The following NFKB1 variants were observed in gnomAD, a reference collection of about 807,000 sequenced individuals.
NFKB1 encodes the protein nuclear factor NF-kappa-B p105 subunit.
Under a neutral mutation model 105.1 loss-of-function variants are expected in NFKB1, and 9 were observed. The observed-to-expected ratio is 0.09, with a 90% CI of 0.05 to 0.15. NFKB1 has a LOEUF of 0.15. NFKB1 is among the 10% of genes least tolerant of loss of function. The pLI is 1.00. For missense variants in NFKB1, 830 were observed against 1,203.7 expected, an observed-to-expected ratio of 0.69 and a Z score of 4.59; for synonymous variants, 440 against 442.2, an observed-to-expected ratio of 1.00 and a Z score of 0.06.
At chr4:102,595,521 A>ATCTTCATGACTGC (rs1726536975) in intron 13 of NFKB1, among the ~76,000 whole-genome samples, 1 of 152,242 alleles carries the variant, frequency 6.6e-6, no homozygotes, top group South Asian at 2.1e-4. Flanking sequence ...TTTAACTGTT[A>ATCTTCATGACTGC]TCTTCATGAC....
chr4:102,529,227 G>C (rs185919686), intron 2 of NFKB1, among the ~76,000 whole-genome samples: 3 of 152,214 alleles, frequency 2.0e-5, no homozygotes, highest in Admixed American at 2.0e-4. Flanking sequence ...CTAGATTCCA[G>C]GTATTTTGTG....
chr4:102,598,330 A>G (rs3774964), intron 15 of NFKB1, among the ~76,000 whole-genome samples: 58,774 of 152,064 alleles, frequency 0.39, 11,592 homozygotes, highest in East Asian at 0.48. Flanking sequence ...AAATGATCTC[A>G]AAAGCCTATA....
chr4:102,588,703 C>G, intron 11 of NFKB1, among the ~76,000 whole-genome samples: 1 of 152,080 alleles, frequency 6.6e-6, no homozygotes, highest in South Asian at 2.1e-4. Context: ...TATGTAAAGT[C>G]ATTGATTATT....
chr4:102,502,487 G>T (rs892206507), intron 1 of NFKB1, among the ~76,000 whole-genome samples: 1 of 150,978 alleles, frequency 6.6e-6, no homozygotes, highest in Admixed American at 6.6e-5. Context: ...ATTTGAGAGA[G>T]AAAATAAATT....
intron 20 of NFKB1, 33 bp downstream of exon 20, chr4:102,610,732 C>G: frequency 6.2e-7 from 1 of 1,609,876 alleles, no homozygotes; most frequent in Non-Finnish European, 8.5e-7. Flanking sequence ...GATGGCTGCC[C>G]CTGAGGGAGT....
At chr4:102,592,752 A>G (rs1378251334) in intron 11 of NFKB1, among the ~76,000 whole-genome samples, 4 of 151,714 alleles carry the variant, frequency 2.6e-5, no homozygotes, top group African/African-American at 9.7e-5. Context: ...AAACTTATCT[A>G]CTCCTGTTCT....
intron 5 of NFKB1, among the ~76,000 whole-genome samples, chr4:102,550,076 T>C (rs1722457737): frequency 6.6e-6 from 1 of 152,006 alleles, no homozygotes; most frequent in Admixed American, 6.6e-5. Context: ...CATTCTTCTT[T>C]AAAAAAAATT....
At chr4:102,566,961 A>G in intron 5 of NFKB1, 26 bp from the exon 6 acceptor site, 1 of 1,612,198 alleles carries the variant, frequency 6.2e-7, no homozygotes, top group Non-Finnish European at 8.5e-7. Flanking sequence ...AGATATGCTA[A>G]CTTTTGGAAT....
chr4:102,507,870 G>A (rs1486313664), intron 1 of NFKB1, among the ~76,000 whole-genome samples: 1 of 151,946 alleles, frequency 6.6e-6, no homozygotes, highest in Non-Finnish European at 1.5e-5. Flanking sequence ...TATCCCAGAC[G>A]TCAATTCTAC....
chr4:102,531,513 T>C (rs1183524256), intron 3 of NFKB1, among the ~76,000 whole-genome samples: 1 of 152,214 alleles, frequency 6.6e-6, no homozygotes, highest in African/African-American at 2.4e-5. Context: ...TTTAGTCTTC[T>C]AGATTTTTTG....
chr4:102,503,030 A>C (rs1739190444), intron 1 of NFKB1, among the ~76,000 whole-genome samples: 1 of 152,204 alleles, frequency 6.6e-6, no homozygotes, highest in Non-Finnish European at 1.5e-5. Flanking sequence ...AGGGAAACTT[A>C]AAACTAAAGT....
intron 1 of NFKB1, among the ~76,000 whole-genome samples, chr4:102,515,363 G>C (rs1050741500): frequency 1.3e-5 from 2 of 151,814 alleles, no homozygotes; most frequent in Non-Finnish European, 2.9e-5. Context: ...GCCCGCCTCG[G>C]CCTCCCAAAG....
chr4:102,509,855 C>G (rs1401144520), intron 1 of NFKB1, among the ~76,000 whole-genome samples: 1 of 152,152 alleles, frequency 6.6e-6, no homozygotes, highest in African/African-American at 2.4e-5. Context: ...TGCTTCTAAC[C>G]CATCGTTCAT....
intron 10 of NFKB1, among the ~76,000 whole-genome samples, chr4:102,583,451 C>A (rs112201086): frequency 6.6e-6 from 1 of 152,138 alleles, no homozygotes; most frequent in Non-Finnish European, 1.5e-5. Flanking sequence ...TCTGTTAGAT[C>A]GTTTGCTCTG....
chr4:102,537,939 T>G lies in NFKB1; in HGVS notation c.241T>G (p.Ser81Ala). 6.2e-7 allele frequency: 1 copy of G among 1,607,874 alleles called. No individual in the cohort carries two copies. Among genetic ancestry groups the G allele is most frequent in the Non-Finnish European group, 8.5e-7 (1 of 1,174,590 alleles). The change falls in exon 5 of 24, where the codon TCT (serine) becomes GCT (alanine). Residue 81 changes from serine to alanine, a missense_variant. Ser to Ala is a moderately conservative substitution (Grantham distance 99, BLOSUM62 1). Transcript: ENST00000226574. ...PGASSEKNKKSYPQVKICNYV... is the reference protein window; with the variant it reads ...PGASSEKNKKAYPQVKICNYV... Reference sequence around the variant, plus strand: ...TGCCTCTAGTGAAAAGAACAAGAAGTCTTACCCTCAGGTCAAAGTAAGTTT... The same window carrying G: ...TGCCTCTAGTGAAAAGAACAAGAAGGCTTACCCTCAGGTCAAAGTAAGTTT...
intron 5 of NFKB1, among the ~76,000 whole-genome samples, chr4:102,551,366 G>GCGCGCGCGCGCGCGCGCA (rs1553931271): frequency 2.3e-5 from 1 of 43,284 alleles, no homozygotes; most frequent in Non-Finnish European, 5.3e-5. Flanking sequence ...GTGTGTGTGT[G>GCGCGCGCGCGCGCGCGCA]TGCGCGCGCG....
intron 11 of NFKB1, among the ~76,000 whole-genome samples, chr4:102,592,785 T>C (rs1560702977): frequency 1.3e-5 from 2 of 149,996 alleles, no homozygotes; most frequent in Non-Finnish European, 2.9e-5. Flanking sequence ...GTGTACATCT[T>C]CTTTTTCCTC....
rs1330804966 is a variant in NFKB1, at chr4:102,613,532, T to C, written c.2700T>C (p.Ser900=). ...QAASSPVKTT[S]QAHSLPLSPA... Reference sequence around the variant, plus strand: ...CCTCCAGCCCAGTGAAGACCACCTCTCAGGCCCACTCGCTGCCTCTCTCGC... The same window carrying C: ...CCTCCAGCCCAGTGAAGACCACCTCCCAGGCCCACTCGCTGCCTCTCTCGC... The change falls in exon 23 of 24, where the codon TCT becomes TCC. Residue 900 remains serine (S), a synonymous_variant. Coordinates refer to ENST00000226574, the MANE Select transcript of NFKB1 (RefSeq NM_003998.4). 2 of 1,613,758 alleles carry C rather than the reference T, an allele frequency of 1.2e-6. No homozygotes were observed. The highest frequency in any genetic ancestry group is 1.7e-6 in the Non-Finnish European group (2 of 1,179,938).
chr4:102,527,459 C>A (rs950012150), intron 2 of NFKB1, among the ~76,000 whole-genome samples: 14 of 152,080 alleles, frequency 9.2e-5, no homozygotes, highest in African/African-American at 3.4e-4. Flanking sequence ...TGAAATTACA[C>A]GTGCAAAGAA....
Sources: gnomAD v4.1 joint callset for allele counts (sites outside exome capture counted in the v4.1 genomes callset) on GRCh38, gnomAD v4.1.1 for gene constraint, MANE v1.5 for transcripts, NCBI Gene and HGNC (gene_info 2026-07-23, HGNC 2026-07-21) for gene names.